ZNF185: variants seen among roughly 807,000 people sequenced by gnomAD.
ZNF185 encodes the protein zinc finger protein 185.
A neutral mutation model predicts 58.6 loss-of-function variants in ZNF185; 56 were observed. The ratio of observed to expected loss-of-function variants is 0.95; its 90% CI spans 0.77 to 1.19. The LOEUF is 1.19. Ranked by LOEUF, ZNF185 falls within the 50% of genes most tolerant of loss-of-function variation. The pLI is 0.00. For missense variants in ZNF185, 627 were observed against 573.5 expected, an observed-to-expected ratio of 1.09 and a Z score of -0.95; for synonymous variants, 230 against 215.9, an observed-to-expected ratio of 1.07 and a Z score of -0.57.
intron 14 of ZNF185, among the ~76,000 whole-genome samples, chrX:152,935,012 C>T (rs781949413): frequency 6.4e-5 from 7 of 109,691 alleles, no homozygotes; most frequent in South Asian, 3.9e-4. Flanking sequence ...TTGGTAGAGA[C>T]GAGGTTTTAC....
At chrX:152,912,707 A>G (rs1339862526), upstream of ZNF185, among the ~76,000 whole-genome samples, 2 of 112,502 alleles carry the variant, frequency 1.8e-5, no homozygotes, top group African/African-American at 6.5e-5. Context: ...AAAGACTAGG[A>G]GGTCCTCCTG....
At chrX:152,933,054 G>T (rs2045885563) in intron 14 of ZNF185, 83 bp downstream of exon 15, 2 of 653,954 alleles carry the variant, frequency 3.1e-6, no homozygotes, top group Non-Finnish European at 4.6e-6. Flanking sequence ...GGGCTGCTAT[G>T]GGTGGGGCAC....
rs891753948 is a variant in ZNF185 at position 152,914,583 on chromosome X, G to A, written c.34+60G>A. 26 of 1,143,838 alleles carry A rather than the reference G, an allele frequency of 2.3e-5. No homozygotes were observed. The Admixed American group carries it at 3.0e-4, about 13-fold the overall frequency. 94.3% of individuals were successfully genotyped at this position (1,143,838 alleles called of 1,213,427 possible). On this transcript the variant is annotated intron_variant, in intron 1 of 22. Transcript: ENST00000449285. ...TTTGGGGCTGTTTGCTTCCAAGCCT[G>A]CCCCTACAGGCCACAAGCACTGTCC... is the stretch of plus-strand genomic sequence containing the variant.
At chrX:152,942,960 A>ATATATG (rs782727033) in intron 15 of ZNF185, among the ~76,000 whole-genome samples, 160 of 111,590 alleles carry the variant, frequency 1.4e-3, no homozygotes, top group Non-Finnish European at 2.5e-3. Context: ...ATCTATATCT[A>ATATATG]TATATGTATA....
chrX:152,928,306 C>T (rs1446043483), intron 11 of ZNF185, among the ~76,000 whole-genome samples: 3 of 111,900 alleles, frequency 2.7e-5, no homozygotes, highest in Non-Finnish European at 3.8e-5. Context: ...GGTAGAAGCA[C>T]GGGTTGGGAG....
At chrX:152,966,982 A>G (rs148720890) in intron 19 of ZNF185, among the ~76,000 whole-genome samples, 185 bp from the exon 22 acceptor site, 1,887 of 110,999 alleles carry the variant, frequency 0.017, 34 homozygotes, top group African/African-American at 0.059. Context: ...AGCCCCGATC[A>G]TCTCCCTCAT....
intron 17 of ZNF185, among the ~76,000 whole-genome samples, chrX:152,961,220 G>T (rs1296151200): frequency 2.7e-5 from 3 of 111,709 alleles, no homozygotes; most frequent in African/African-American, 9.8e-5. Flanking sequence ...TCACTCTCCT[G>T]CCATGATCCA....
rs201703280 is a variant in ZNF185, at chrX:152,928,633, C to G, written c.889C>G (p.Leu297Val). Residue 297 changes from leucine (L) to valine (V), a missense_variant, in exon 12 of 23, where the codon CTG becomes GTG. Coordinates refer to ENST00000449285, the Ensembl canonical transcript of ZNF185. ...CCTGACACCCAGGGCAGGACTCCGC[C>G]TGGTGGCCCCAGACGTGGAAGGCAT... The G allele has an allele frequency of 8.2e-5, 99 of 1,210,644 alleles. No homozygotes were observed. The African/African-American group carries it at 1.5e-3, about 19-fold the overall frequency.
intron 16 of ZNF185, among the ~76,000 whole-genome samples, chrX:152,949,909 C>A (rs1417920605): frequency 2.7e-5 from 3 of 111,787 alleles, no homozygotes; most frequent in Non-Finnish European, 5.6e-5. Context: ...ACGTATGACC[C>A]AGCACGAGAG....
intron 16 of ZNF185, among the ~76,000 whole-genome samples, chrX:152,959,381 AG>A (rs782348762): frequency 1.3e-3 from 144 of 112,760 alleles, no homozygotes; most frequent in Non-Finnish European, 2.2e-3. Context: ...AAAGAACTGG[AG>A]AAAGGAGAGA....
At position 152,965,541 on chromosome X, in the gene ZNF185, C is replaced by A; in HGVS notation, c.1799+14C>A. ...ACGCTATAGCAAGTAAGAGCGGGTC[C>A]CAAACCCTTCCATGTCGGCCTTCTC... On this transcript the variant is annotated intron_variant, in intron 19 of 22. Coordinates refer to ENST00000449285, the Ensembl canonical transcript of ZNF185. The A allele has an allele frequency of 6.1e-6, 7 of 1,153,182 alleles. No individual in the cohort carries two copies. Among genetic ancestry groups the A allele is most frequent in the Non-Finnish European group, 8.2e-6 (7 of 857,054 alleles).
upstream of ZNF185, among the ~76,000 whole-genome samples, chrX:152,913,476 C>T (rs1227051797): frequency 2.7e-5 from 3 of 112,712 alleles, no homozygotes; most frequent in Admixed American, 9.3e-5. Context: ...AGGCTGAAGG[C>T]AGTGTGGCAC....
intron 15 of ZNF185, among the ~76,000 whole-genome samples, chrX:152,939,055 G>C (rs2046812683): frequency 8.9e-6 from 1 of 111,933 alleles, no homozygotes. Context: ...GAGGGCCACA[G>C]ATGGAGCAGG....
chrX:152,937,525 C>T (rs190635260), intron 14 of ZNF185, among the ~76,000 whole-genome samples: 3 of 111,395 alleles, frequency 2.7e-5, no homozygotes, highest in Non-Finnish European at 5.7e-5. Context: ...CTCTTGCTCT[C>T]TCTCTTTCTC....
At chrX:152,914,998 G>A (rs1390911108) in intron 2 of ZNF185, 140 bp from the exon 4 acceptor site, 3 of 993,279 alleles carry the variant, frequency 3.0e-6, no homozygotes, top group African/African-American at 3.8e-5. Flanking sequence ...CACAGGGTGG[G>A]AGAGCCCCTG....
At chrX:152,963,842 G>A in exon 18 of ZNF185, 6 of 1,209,857 alleles carry the variant, frequency 5.0e-6, no homozygotes, top group Non-Finnish European at 6.7e-6. Context: ...CTTTCAGGGT[G>A]AGGAGCCCCT....
At chrX:152,940,896 C>CT (rs781951314) in intron 15 of ZNF185, among the ~76,000 whole-genome samples, 20 of 112,189 alleles carry the variant, frequency 1.8e-4, no homozygotes, top group Non-Finnish European at 3.6e-4. Context: ...GTCTGAATAT[C>CT]TCTCTCAATG....
At chrX:152,961,521 ATTT>A (rs1176589121) in intron 17 of ZNF185, among the ~76,000 whole-genome samples, 1 of 109,958 alleles carries the variant, frequency 9.1e-6, no homozygotes, top group Non-Finnish European at 1.9e-5. Context: ...TTCCCCAGAG[ATTT>A]TTTTTTCCCA....
At chrX:152,939,280 A>G (rs1231250124) in intron 15 of ZNF185, among the ~76,000 whole-genome samples, 1 of 111,821 alleles carries the variant, frequency 8.9e-6, no homozygotes, top group Non-Finnish European at 1.9e-5. Context: ...TCTCATTCGA[A>G]TTGCACTGAC....
Sources: allele counts gnomAD v4.1 joint callset (sites outside exome capture counted in the v4.1 genomes callset), GRCh38; gene constraint gnomAD v4.1.1; transcripts MANE v1.5; gene names NCBI Gene and HGNC (gene_info 2026-07-23, HGNC 2026-07-21).